SYNJ1: variants seen among roughly 807,000 people sequenced by gnomAD.
SYNJ1 encodes the protein polyphosphatidylinositol phosphatase SYNJ1.
In SYNJ1, 78 loss-of-function variants were observed where a neutral mutation model predicts 168.2. The ratio of observed to expected loss-of-function variants is 0.46; its 90% CI spans 0.39 to 0.56. The LOEUF is 0.56. Ranked by LOEUF, SYNJ1 falls within the 20% of genes least tolerant of loss-of-function variation. SYNJ1 has a pLI of 0.00. For missense variants in SYNJ1, 1,303 were observed against 1,597.6 expected, an observed-to-expected ratio of 0.82 and a Z score of 3.14; for synonymous variants, 539 against 548.6, an observed-to-expected ratio of 0.98 and a Z score of 0.24.
chr21:32,717,658 G>T (rs185994162), intron 2 of SYNJ1, among the ~76,000 whole-genome samples: 1 of 152,156 alleles, frequency 6.6e-6, no homozygotes. Context: ...TCCCAGCCCT[G>T]TGTGAGCTCC....
At chr21:32,697,048 A>T (rs1054118141) in intron 4 of SYNJ1, among the ~76,000 whole-genome samples, 8 of 152,244 alleles carry the variant, frequency 5.3e-5, no homozygotes, top group African/African-American at 1.9e-4. Context: ...ACTTGTCCTC[A>T]TTTAAATAGA....
intron 12 of SYNJ1, among the ~76,000 whole-genome samples, chr21:32,677,979 GTCTAA>G (rs2041477586): frequency 6.6e-6 from 1 of 152,088 alleles, no homozygotes. Context: ...GAAAAAGTAA[GTCTAA>G]TCTATTAAAT....
intron 3 of SYNJ1, among the ~76,000 whole-genome samples, chr21:32,701,546 A>G (rs1011476338): frequency 2.1e-4 from 31 of 148,120 alleles, no homozygotes; most frequent in Non-Finnish European, 2.6e-4. Context: ...TTACGTGGCA[A>G]AAAAAAAAAA....
At chr21:32,712,957 T>C (rs933001067) in intron 2 of SYNJ1, among the ~76,000 whole-genome samples, 3 of 152,234 alleles carry the variant, frequency 2.0e-5, no homozygotes, top group Admixed American at 1.3e-4. Context: ...TGTACATATA[T>C]GTACCAAAAA....
At chr21:32,641,281 C>G (rs2039823348) in intron 29 of SYNJ1, among the ~76,000 whole-genome samples, 1 of 152,162 alleles carries the variant, frequency 6.6e-6, no homozygotes, top group South Asian at 2.1e-4. Flanking sequence ...CTCTTTCTCT[C>G]TGTTCTTGAT....
rs2039285798 is a variant in SYNJ1, at chr21:32,630,738, A to G, written c.*1067T>C. 1 of 319,210 alleles carries G rather than the reference A, an allele frequency of 3.1e-6. No individual in the cohort carries two copies. Among genetic ancestry groups the G allele is most frequent in the East Asian group, 5.3e-5 (1 of 18,778 alleles). 19.8% of individuals were successfully genotyped at this position (319,210 alleles called of 1,614,324 possible). A position where few individuals can be genotyped will look rare whatever the true frequency, so the allele number is the denominator to read the frequency against. The stretch of plus-strand genomic sequence containing the variant: ...CTGAATAAGGACTGTTTTCTAAAGT[A>G]TAAGTACTTTTTATGGCTACTACTG... On this transcript the variant is annotated 3_prime_UTR_variant, in exon 33 of 33. Transcript: ENST00000674351.
chr21:32,705,966 G>A (rs1381581334), intron 2 of SYNJ1, among the ~76,000 whole-genome samples: 3 of 152,120 alleles, frequency 2.0e-5, no homozygotes, highest in Non-Finnish European at 2.9e-5. Context: ...CAGCCTGGCC[G>A]ACAGAGTGAA....
rs113708828 is a variant in SYNJ1 at position 32,673,520 on chromosome 21, C to T, written c.1546G>A (p.Val516Ile). ...EQTLQSASSK[V>I]LKSMCENFYK... is the part of the protein sequence containing the mutation. ...AAATTCTCACACATGCTCTTTAGTA[C>T]TTTAGAAGATGCTAATCAAGAGAAG... is the stretch of plus-strand genomic sequence containing the variant. The change falls in exon 14 of 33, where the codon GTA becomes ATA. Residue 516 changes from valine (V) to isoleucine (I), a missense_variant. By Grantham distance (29) the Val-to-Ile change is conservative. Transcript: ENST00000674351. 3.9e-4 allele frequency: 633 copies of T among 1,605,738 alleles called. 2 individuals are homozygous for T. In the African/African-American group the frequency reaches 7.6e-3, roughly 19 times the overall value.
chr21:32,646,338 C>T (rs890306886), intron 24 of SYNJ1, 55 bp downstream of exon 24: 30 of 1,548,420 alleles, frequency 1.9e-5, no homozygotes, highest in Non-Finnish European at 2.7e-5. Context: ...GACTCTCCAA[C>T]ATCAAGCACA....
At chr21:32,704,199 C>G (rs528594146) in intron 2 of SYNJ1, among the ~76,000 whole-genome samples, 7 of 152,294 alleles carry the variant, frequency 4.6e-5, no homozygotes, top group African/African-American at 1.7e-4. Flanking sequence ...ATTAGACTAT[C>G]ATCTAATTCA....
intron 2 of SYNJ1, among the ~76,000 whole-genome samples, chr21:32,708,795 T>C (rs1045076790): frequency 1.3e-5 from 2 of 151,954 alleles, no homozygotes; most frequent in Admixed American, 1.3e-4. Flanking sequence ...AGCTCTTTAT[T>C]AGAAAAGAAA....
chr21:32,642,003 A>G, intron 28 of SYNJ1, 37 bp from the exon 29 acceptor site: 1 of 1,612,754 alleles, frequency 6.2e-7, no homozygotes, highest in Non-Finnish European at 8.5e-7. Flanking sequence ...TTTAAGTTTA[A>G]AAAAATAAAC....
intron 13 of SYNJ1, among the ~76,000 whole-genome samples, chr21:32,674,574 T>C (rs991507115): frequency 2.0e-5 from 3 of 151,804 alleles, no homozygotes; most frequent in African/African-American, 7.3e-5. Context: ...CAATAAATAA[T>C]TGTTAAATGA....
intron 2 of SYNJ1, among the ~76,000 whole-genome samples, chr21:32,716,708 G>A (rs1169791631): frequency 1.3e-5 from 2 of 152,168 alleles, no homozygotes; most frequent in South Asian, 2.1e-4. Flanking sequence ...AAAAGTGCCA[G>A]CTATTATTTC....
At chr21:32,691,671 A>G (rs2146138024) in intron 6 of SYNJ1, among the ~76,000 whole-genome samples, 1 of 152,236 alleles carries the variant, frequency 6.6e-6, no homozygotes, top group East Asian at 1.9e-4. Flanking sequence ...TTACTTGTGT[A>G]ACACCTTATG....
chr21:32,633,473 A>G (rs2039431417), intron 32 of SYNJ1, among the ~76,000 whole-genome samples: 1 of 152,210 alleles, frequency 6.6e-6, no homozygotes, highest in Non-Finnish European at 1.5e-5. Flanking sequence ...TCTTAAAACT[A>G]GGGTAGATGA....
chr21:32,640,171 TC>T (rs2039766364), intron 29 of SYNJ1, among the ~76,000 whole-genome samples: 1 of 152,174 alleles, frequency 6.6e-6, no homozygotes, highest in Admixed American at 6.5e-5. Flanking sequence ...GGGCTAGGGT[TC>T]TTAACCATGT....
At chr21:32,688,418 A>C (rs746232999) in intron 6 of SYNJ1, 51 bp from the exon 7 acceptor site, 10 of 1,489,228 alleles carry the variant, frequency 6.7e-6, no homozygotes, top group Non-Finnish European at 7.4e-6. Flanking sequence ...CATATAGACG[A>C]AAGAAATATC....
Position 32,646,278 on chromosome 21 carries a change from C to T in SYNJ1, c.3247+115G>A, listed in dbSNP as rs1398603880. ...CATCTACAAGTTTTCCTATTCTGTA[C>T]CGGAGAAAACAGGGTGCACTTTATC... On this transcript the variant is annotated intron_variant, in intron 24 of 32. Coordinates refer to ENST00000674351, the MANE Select transcript of SYNJ1 (RefSeq NM_203446.3). 15 of 1,023,634 alleles carry T rather than the reference C, an allele frequency of 1.5e-5. No individual in the cohort carries two copies. The East Asian group carries it at 2.9e-4, about 20-fold the overall frequency. The allele number at this position is 1,023,634 out of a possible 1,614,324, so 63.4% of individuals were successfully genotyped here. A position where few individuals can be genotyped will look rare whatever the true frequency, so the allele number is the denominator to read the frequency against.
Sources: allele counts gnomAD v4.1 joint callset (sites outside exome capture counted in the v4.1 genomes callset), GRCh38; gene constraint gnomAD v4.1.1; transcripts MANE v1.5; gene names NCBI Gene and HGNC (gene_info 2026-07-23, HGNC 2026-07-21).